Variants in DIP2C observed in about 807,000 individuals in gnomAD.
DIP2C encodes DIP2 acetate--CoA ligase C (putative), also known as disco-interacting protein 2 homolog C.
In DIP2C, 33 loss-of-function variants were observed where a neutral mutation model predicts 192.4. The ratio of observed to expected loss-of-function variants is 0.17; its 90% confidence interval spans 0.13 to 0.23. The LOEUF is 0.23. Ranked by LOEUF, DIP2C falls within the 10% of genes least tolerant of loss-of-function variation. The pLI, the probability that DIP2C is intolerant of heterozygous loss-of-function variation, is 1.00. For synonymous variants in DIP2C, 979 were observed against 864.1 expected, an observed-to-expected ratio of 1.13 and a Z score of -2.33; for missense variants, 1,537 against 2,110.1, an observed-to-expected ratio of 0.73 and a Z score of 5.32.
intron 1 of DIP2C, chr10:641,742 A>G (rs1855209288): frequency 6.5e-6 from 1 of 154,190 alleles, no homozygotes; most frequent in East Asian, 1.9e-4. Context: ...TGTGTGGCTC[A>G]CACCTCTTGT....
At chr10:617,703 G>A (rs759264459) in intron 1 of DIP2C, among the ~76,000 whole-genome samples, 11 of 134,864 alleles carry the variant, frequency 8.2e-5, no homozygotes, top group African/African-American at 1.7e-4. Flanking sequence ...TTGCGGTTCC[G>A]AAGGAGGCTG....
At chr10:602,661 A>T (rs1376177504) in intron 1 of DIP2C, among the ~76,000 whole-genome samples, 2 of 152,148 alleles carry the variant, frequency 1.3e-5, no homozygotes, top group Non-Finnish European at 2.9e-5. Flanking sequence ...CAGATCACCC[A>T]ATCTACAGCA....
chr10:536,656 C>T (rs990563368), intron 1 of DIP2C, among the ~76,000 whole-genome samples: 16 of 152,224 alleles, frequency 1.1e-4, no homozygotes, highest in Non-Finnish European at 2.2e-4. Context: ...GTTCATGGGA[C>T]TGACTCCCAG....
chr10:306,755 G>C lies in DIP2C; in HGVS notation c.3986+3276C>G, dbSNP rs141328887. On this transcript the variant is annotated intron_variant, in intron 32 of 36. Transcript: ENST00000280886. ...GTGGATCAGAAGAGGTGAGTCCTCT[G>C]TCACCATCCAGCTGCCGGAGCTCAT... Among the ~76,000 whole-genome samples, 183 of 152,304 alleles carry C rather than the reference G, an allele frequency of 1.2e-3. 1 individual carries two copies. Among genetic ancestry groups the C allele is most frequent in the Non-Finnish European group, 2.2e-3 (149 of 68,020 alleles).
In DIP2C at chr10:541,593, C is replaced by T. The variant is rs181212904; in HGVS notation, c.86-55063G>A. Among the ~76,000 whole-genome samples the T allele has an allele frequency of 1.2e-4, 18 of 150,152 alleles. No individual in the cohort carries two copies. The South Asian group carries it at 2.1e-3, about 18-fold the overall frequency. On this transcript the variant is annotated intron_variant, in intron 1 of 36. Transcript: ENST00000280886. The stretch of plus-strand genomic sequence containing the variant: ...CCCCCATCTCTCCTGGATCCCACAG[C>T]GTGACCCTCCACATGACCACACCCA...
At chr10:338,340 A>G (rs1228711041) in intron 29 of DIP2C, among the ~76,000 whole-genome samples, 2 of 152,032 alleles carry the variant, frequency 1.3e-5, no homozygotes, top group Non-Finnish European at 2.9e-5. Context: ...CCTCACGTTC[A>G]GGTGCCGCTT....
intron 4 of DIP2C, among the ~76,000 whole-genome samples, chr10:426,236 C>T (rs901671481): frequency 1.3e-5 from 2 of 152,094 alleles, no homozygotes; most frequent in Non-Finnish European, 2.9e-5. Context: ...GAAAATAGTT[C>T]CATTCACAGT....
chr10:356,561 G>A (rs771252937), intron 23 of DIP2C, 55 bp from the exon 24 acceptor site: 42 of 1,495,694 alleles, frequency 2.8e-5, no homozygotes, highest in South Asian at 9.6e-5. Context: ...CAGGCTGTGC[G>A]GGCTGAGGTG....
At chr10:484,826 C>A (rs1843883657) in intron 2 of DIP2C, 3 of 1,611,332 alleles carry the variant, frequency 1.9e-6, no homozygotes, top group East Asian at 4.5e-5. Flanking sequence ...GTGCTGGCCA[C>A]CCGCTCCCGA....
chr10:355,779 TA>T (rs34495433), intron 24 of DIP2C, among the ~76,000 whole-genome samples: 1 of 152,150 alleles, frequency 6.6e-6, no homozygotes, highest in African/African-American at 2.4e-5. Flanking sequence ...TTCTGGTGTA[TA>T]AAAAAGTGGT....
chr10:382,546 C>T, intron 17 of DIP2C, 101 bp downstream of exon 17: 3 of 886,050 alleles, frequency 3.4e-6, no homozygotes, highest in Non-Finnish European at 5.4e-6. Context: ...CCCGTTTTCA[C>T]CCTCACCCTC....
chr10:581,521 A>AG (rs1491432459), intron 1 of DIP2C, among the ~76,000 whole-genome samples: 3 of 152,242 alleles, frequency 2.0e-5, no homozygotes, highest in African/African-American at 7.2e-5. Context: ...CTCTAGAAAA[A>AG]GAAAAGATAC....
At chr10:474,830 T>TA (rs1298274144) in intron 2 of DIP2C, among the ~76,000 whole-genome samples, 1 of 152,252 alleles carries the variant, frequency 6.6e-6, no homozygotes, top group African/African-American at 2.4e-5. Flanking sequence ...TCTGATGCTA[T>TA]AATCCTTATG....
chr10:435,243 G>A (rs965500821), intron 4 of DIP2C, among the ~76,000 whole-genome samples: 116 of 152,272 alleles, frequency 7.6e-4, no homozygotes, highest in African/African-American at 2.7e-3. Flanking sequence ...AGGCCGGAAG[G>A]CTTTGATAAA....
Position 346,578 on chromosome 10 carries a change from A to G in DIP2C, c.3232-1468T>C, listed in dbSNP as rs71492973. ...GACACATCGCGCATAGTTCTCCTGGAAACCCCACACTCACCCAACCCAGAC... is the reference window on the plus strand; with the variant it reads ...GACACATCGCGCATAGTTCTCCTGGGAACCCCACACTCACCCAACCCAGAC... On this transcript the variant is annotated intron_variant, in intron 26 of 36. Coordinates refer to ENST00000280886, the MANE Select transcript of DIP2C (RefSeq NM_014974.3). 6.0e-5 allele frequency among the ~76,000 whole-genome samples: 8 copies of G among 134,230 alleles called. 1 individual carries two copies. The highest frequency in any genetic ancestry group is 2.4e-4 in the South Asian group (1 of 4,134). The allele number at this position is 134,230 out of a possible 152,430, so 88.1% of individuals were successfully genotyped here.
intron 1 of DIP2C, among the ~76,000 whole-genome samples, chr10:580,095 A>C (rs1053521560): frequency 1.3e-5 from 2 of 152,162 alleles, no homozygotes; most frequent in African/African-American, 4.8e-5. Context: ...ACACATGCAC[A>C]TTTGTATGTA....
At chr10:536,683 G>A (rs1475564024) in intron 1 of DIP2C, among the ~76,000 whole-genome samples, 1 of 152,180 alleles carries the variant, frequency 6.6e-6, no homozygotes, top group Admixed American at 6.5e-5. Context: ...GTGGAGGGGG[G>A]GCCATCCTGA....
chr10:483,976 C>T (rs1843811482), intron 2 of DIP2C, among the ~76,000 whole-genome samples: 2 of 152,186 alleles, frequency 1.3e-5, no homozygotes, highest in African/African-American at 2.4e-5. Context: ...ACCATCATGC[C>T]TAATTTTTTC....
chr10:486,128 T>C (rs1843995575), intron 2 of DIP2C, among the ~76,000 whole-genome samples: 1 of 149,240 alleles, frequency 6.7e-6, no homozygotes, highest in Non-Finnish European at 1.5e-5. Context: ...CCAGAATCAA[T>C]AGTAATAAAT....
Sources: gnomAD v4.1 joint callset for allele counts (sites outside exome capture counted in the v4.1 genomes callset) on GRCh38, gnomAD v4.1.1 for gene constraint, MANE v1.5 for transcripts, NCBI Gene and HGNC (gene_info 2026-07-23, HGNC 2026-07-21) for gene names.